The following RIMS2 variants were observed in gnomAD, a reference collection of about 807,000 sequenced individuals.
RIMS2 encodes regulating synaptic membrane exocytosis protein 2.
In RIMS2, 59 loss-of-function variants were observed where a neutral mutation model predicts 174.4. That is an observed-to-expected ratio of 0.34 (90% CI 0.27 to 0.42). The LOEUF (loss-of-function observed/expected upper bound fraction) is 0.42. Ranked by LOEUF, RIMS2 falls within the 10% of genes least tolerant of loss-of-function variation. RIMS2 has a pLI of 1.00. For synonymous variants in RIMS2, 606 were observed against 572.5 expected, an observed-to-expected ratio of 1.06 and a Z score of -0.84; for missense variants, 1,620 against 1,666.3, an observed-to-expected ratio of 0.97 and a Z score of 0.48.
intron 3 of RIMS2, among the ~76,000 whole-genome samples, chr8:103,776,749 A>ATTC (rs1442888796): frequency 1.4e-4 from 22 of 152,180 alleles, no homozygotes; most frequent in Non-Finnish European, 2.1e-4. Flanking sequence ...AAGAAGCAAC[A>ATTC]TCAATTTCAA....
At chr8:103,596,516 A>C (rs1000670234) in intron 1 of RIMS2, among the ~76,000 whole-genome samples, 1 of 152,100 alleles carries the variant, frequency 6.6e-6, no homozygotes, top group African/African-American at 2.4e-5. Context: ...AAATATTAAT[A>C]ATATCTTTGT....
chr8:103,665,747 C>A (rs902433652), intron 1 of RIMS2, among the ~76,000 whole-genome samples: 1 of 152,080 alleles, frequency 6.6e-6, no homozygotes, highest in Non-Finnish European at 1.5e-5. Context: ...ATACTTTCAA[C>A]TTCCTGAATT....
chr8:103,607,393 C>G (rs1317093580), intron 1 of RIMS2, among the ~76,000 whole-genome samples: 2 of 151,922 alleles, frequency 1.3e-5, no homozygotes, highest in Non-Finnish European at 2.9e-5. Flanking sequence ...ATGGGCTTCC[C>G]TTTGAGGGTA....
chr8:103,862,863 A>G (rs560550248), intron 3 of RIMS2, among the ~76,000 whole-genome samples: 1 of 151,830 alleles, frequency 6.6e-6, no homozygotes, highest in South Asian at 2.1e-4. Flanking sequence ...AAGTCTAGGA[A>G]TCTTTTGAGT....
In RIMS2 at chr8:104,142,520, A is replaced by T. The variant is rs533872066; in HGVS notation, c.3335-102396A>T. 1.9e-3 allele frequency among the ~76,000 whole-genome samples: 283 copies of T among 152,282 alleles called. 1 individual carries two copies. The highest frequency in any genetic ancestry group is 2.9e-3 in the Non-Finnish European group (195 of 68,024). Reference sequence around the variant, plus strand: ...ACTTTAAGAAACAAATCATGTTTTTAAAAAAAGAAATCTTTAATATATTGG... The same window carrying T: ...ACTTTAAGAAACAAATCATGTTTTTTAAAAAAGAAATCTTTAATATATTGG... On this transcript the variant is annotated intron_variant, in intron 19 of 23. Coordinates refer to ENST00000504942, the Ensembl canonical transcript of RIMS2.
chr8:104,156,231 C>T (rs939608274), intron 19 of RIMS2, among the ~76,000 whole-genome samples: 4 of 152,178 alleles, frequency 2.6e-5, no homozygotes, highest in African/African-American at 9.6e-5. Flanking sequence ...GGGCTCAAGA[C>T]TTTTTTCATC....
At chr8:103,767,075 C>T (rs76748835) in intron 3 of RIMS2, among the ~76,000 whole-genome samples, 23,930 of 152,064 alleles carry the variant, frequency 0.16, 1,999 homozygotes, top group Middle Eastern at 0.24. Context: ...ATTTTGGCTC[C>T]GTACTATGGG....
chr8:104,031,136 C>G (rs1324481748), intron 19 of RIMS2, among the ~76,000 whole-genome samples: 1 of 151,834 alleles, frequency 6.6e-6, no homozygotes, highest in Non-Finnish European at 1.5e-5. Context: ...AGATTTTTAT[C>G]AAAATAATAT....
At chr8:104,251,988 C>T (rs1290993593), downstream of RIMS2, 3 of 605,216 alleles carry the variant, frequency 5.0e-6, no homozygotes, top group Non-Finnish European at 8.8e-6. Flanking sequence ...ACACATTGTG[C>T]CCTAAAGAAG....
chr8:103,920,862 G>C, intron 9 of RIMS2: 1 of 347,262 alleles, frequency 2.9e-6, no homozygotes, highest in South Asian at 2.2e-5. Context: ...ATCCGGACGT[G>C]GTGGCAGGCG....
At chr8:104,031,334 A>G (rs72683163) in intron 19 of RIMS2, among the ~76,000 whole-genome samples, 34,330 of 151,804 alleles carry the variant, frequency 0.23, 4,402 homozygotes, top group Non-Finnish European at 0.28. Context: ...GCTTATTTCT[A>G]AAATAAGCTA....
At chr8:103,885,377 G>GCTA in exon 4 of RIMS2, 1 of 1,612,566 alleles carries the variant, frequency 6.2e-7, no homozygotes, top group Non-Finnish European at 8.5e-7. Flanking sequence ...TTCACAGTAT[G>GCTA]CTACTTCGGA....
At chr8:104,123,474 A>G (rs957754763) in intron 19 of RIMS2, among the ~76,000 whole-genome samples, 3 of 151,686 alleles carry the variant, frequency 2.0e-5, no homozygotes, top group Admixed American at 6.6e-5. Context: ...TGAGTATGAC[A>G]GGTATTATTT....
intron 1 of RIMS2, among the ~76,000 whole-genome samples, chr8:103,555,530 T>A (rs891787472): frequency 6.6e-6 from 1 of 152,058 alleles, no homozygotes; most frequent in African/African-American, 2.4e-5. Flanking sequence ...ATCCAAACTA[T>A]ATGATTTCAG....
chr8:103,531,400 A>T (rs1178712555), intron 1 of RIMS2, among the ~76,000 whole-genome samples: 2 of 152,248 alleles, frequency 1.3e-5, no homozygotes, highest in African/African-American at 4.8e-5. Flanking sequence ...CTTCTAAATA[A>T]TCCAAAGATT....
chr8:103,876,867 TATATATATA>T lies in RIMS2; in HGVS notation c.699-8430_699-8422del, dbSNP rs2099141055. On this transcript the variant is annotated intron_variant, in intron 3 of 23. Transcript: ENST00000504942. ...ATATATACACACACACACTATTTTA[TATATATATA>T]TATATATATATATATATATATATAT... Among the ~76,000 whole-genome samples the T allele has an allele frequency of 2.0e-3, 58 of 28,480 alleles. 1 individual carries two copies. Among genetic ancestry groups the T allele is most frequent in the Admixed American group, 6.5e-3 (22 of 3,388 alleles). 18.7% of individuals were successfully genotyped at this position (28,480 alleles called of 152,430 possible).
chr8:104,163,929 A>G (rs1231771422), intron 19 of RIMS2, among the ~76,000 whole-genome samples: 1 of 152,172 alleles, frequency 6.6e-6, no homozygotes, highest in Non-Finnish European at 1.5e-5. Context: ...AGTATAAGAA[A>G]GAATAGGAAG....
chr8:104,140,912 T>A (rs546698517), intron 19 of RIMS2, among the ~76,000 whole-genome samples: 82 of 152,160 alleles, frequency 5.4e-4, no homozygotes, highest in Non-Finnish European at 1.0e-3. Context: ...GTAGCTGAAA[T>A]CATCAGAGAA....
intron 4 of RIMS2, among the ~76,000 whole-genome samples, chr8:103,901,176 CAGCCCTATCAGTAAG>C (rs1215361392): frequency 6.6e-6 from 1 of 152,154 alleles, no homozygotes; most frequent in Non-Finnish European, 1.5e-5. Context: ...CTCTTACTGT[CAGCCCTATCAGTAAG>C]AGGAAAGCCA....
Sources: gnomAD v4.1 joint callset for allele counts (sites outside exome capture counted in the v4.1 genomes callset) on GRCh38, gnomAD v4.1.1 for gene constraint, MANE v1.5 for transcripts, NCBI Gene and HGNC (gene_info 2026-07-23, HGNC 2026-07-21) for gene names.